PRELID2: variants seen among roughly 807,000 people sequenced by gnomAD.
PRELID2 encodes the protein PRELI domain containing 2.
In PRELID2, 25 loss-of-function variants were observed where a neutral mutation model predicts 28.4. That is an observed-to-expected ratio of 0.88 (90% CI 0.64 to 1.23). PRELID2 has a LOEUF of 1.23. PRELID2 is among the 50% of genes most tolerant of loss of function. The pLI, the probability that PRELID2 is intolerant of heterozygous loss-of-function variation, is 0.00. For missense variants in PRELID2, 201 were observed against 214.4 expected (o/e 0.94, Z 0.39); for synonymous variants, 76 against 71.6 (o/e 1.06, Z -0.31).
At chr5:145,383,361 T>C in the PRELID2 span, among the ~76,000 whole-genome samples, 1 of 148,292 alleles carries the variant, frequency 6.7e-6, no homozygotes, top group Non-Finnish European at 1.5e-5. Flanking sequence ...CACACGTCCA[T>C]ATATATATAT....
At chr5:145,291,967 C>G in the PRELID2 span, among the ~76,000 whole-genome samples, 1 of 152,100 alleles carries the variant, frequency 6.6e-6, no homozygotes, top group Non-Finnish European at 1.5e-5. Flanking sequence ...AATTTTAATA[C>G]TTGGTTATTT....
At chr5:145,718,997 A>G (rs967399945) in intron 1 of PRELID2, among the ~76,000 whole-genome samples, 2 of 152,050 alleles carry the variant, frequency 1.3e-5, no homozygotes, top group African/African-American at 4.8e-5. Flanking sequence ...GATGGCATCA[A>G]ATGTAAAGAG....
At chr5:145,665,642 G>A (rs950578142) in intron 1 of PRELID2, among the ~76,000 whole-genome samples, 5 of 152,020 alleles carry the variant, frequency 3.3e-5, no homozygotes, top group Admixed American at 2.6e-4. Context: ...TTGGGCTCTA[G>A]CCCATCTCTC....
chr5:145,513,354 A>G (rs1291318497), intron 1 of PRELID2, among the ~76,000 whole-genome samples: 1 of 151,894 alleles, frequency 6.6e-6, no homozygotes, highest in Non-Finnish European at 1.5e-5. Context: ...ACAAGTATCA[A>G]TAGCCGAACA....
At chr5:145,635,999 G>A (rs1753994987) in intron 1 of PRELID2, among the ~76,000 whole-genome samples, 2 of 152,338 alleles carry the variant, frequency 1.3e-5, no homozygotes, top group South Asian at 2.1e-4. Flanking sequence ...TCTTTGCAGG[G>A]AAAGTCAAGG....
At chr5:145,717,021 C>T (rs2149714391) in intron 1 of PRELID2, among the ~76,000 whole-genome samples, 1 of 152,036 alleles carries the variant, frequency 6.6e-6, no homozygotes, top group African/African-American at 2.4e-5. Context: ...AGTCTGTGTG[C>T]ACTATACTGC....
At chr5:145,561,797 T>C (rs1402477324) in intron 1 of PRELID2, among the ~76,000 whole-genome samples, 1 of 152,190 alleles carries the variant, frequency 6.6e-6, no homozygotes, top group Non-Finnish European at 1.5e-5. Flanking sequence ...GAATGCCTCT[T>C]ATGGCCCCAG....
chr5:145,410,066 C>T, the PRELID2 span, among the ~76,000 whole-genome samples: 2 of 152,164 alleles, frequency 1.3e-5, no homozygotes, highest in South Asian at 2.1e-4. Flanking sequence ...GGCAAAAAGA[C>T]ACCCTATTCA....
Position 145,653,003 on chromosome 5 carries a change from C to A in PRELID2, n.70+111928G>T, listed in dbSNP as rs576109564. On this transcript the variant is annotated intron_variant and non_coding_transcript_variant, in intron 1 of 2. Coordinates refer to the PRELID2 transcript ENST00000510259. The stretch of plus-strand genomic sequence containing the variant: ...CCATCAGTGTGCTGTATTCAGGAGA[C>A]CCATCTCACATGCAGAGACACACAT... Among the ~76,000 whole-genome samples the A allele has an allele frequency of 2.0e-3, 299 of 152,196 alleles. 2 individuals are homozygous for A. Among genetic ancestry groups the A allele is most frequent in the African/African-American group, 6.8e-3 (284 of 41,514 alleles).
chr5:145,697,036 TATATATATATATATATATATA>T lies in PRELID2; in HGVS notation n.70+67874_70+67894del, dbSNP rs1561547536. On this transcript the variant is annotated intron_variant and non_coding_transcript_variant, in intron 1 of 2. Transcript: ENST00000510259. ...GGATGTAGGAAAGAGAGGAAAATTA[TATATATATATATATATATATA>T]TATATATATATATATATATATATAC... 7.4e-3 allele frequency among the ~76,000 whole-genome samples: 82 copies of T among 11,146 alleles called. 1 individual carries two copies. The highest frequency in any genetic ancestry group is 0.016 in the African/African-American group (73 of 4,504). The allele number at this position is 11,146 out of a possible 152,430, so 7.3% of individuals were successfully genotyped here.
At chr5:145,817,220 A>AATAT (rs1188735131) in intron 4 of PRELID2, among the ~76,000 whole-genome samples, 11 of 66,486 alleles carry the variant, frequency 1.7e-4, no homozygotes, top group South Asian at 5.7e-4. Flanking sequence ...AATAAAAAAA[A>AATAT]ATATATATAT....
chr5:145,668,273 C>A (rs1364692725), intron 1 of PRELID2, among the ~76,000 whole-genome samples: 1 of 151,784 alleles, frequency 6.6e-6, no homozygotes, highest in African/African-American at 2.4e-5. Context: ...CAGTAACCAC[C>A]CAGCTGGTGT....
At chr5:145,313,057 C>A in the PRELID2 span, among the ~76,000 whole-genome samples, 14 of 152,066 alleles carry the variant, frequency 9.2e-5, no homozygotes, top group East Asian at 2.7e-3. Context: ...CCCCAAAAAA[C>A]CAAATAGCCA....
intron 1 of PRELID2, among the ~76,000 whole-genome samples, chr5:145,637,719 C>G (rs77942747): frequency 0.033 from 4,995 of 152,118 alleles, 170 homozygotes; most frequent in African/African-American, 0.08. Flanking sequence ...TCATTCCTAA[C>G]TGCCTCTTTG....
chr5:145,463,469 A>G, the PRELID2 span, among the ~76,000 whole-genome samples: 1 of 151,536 alleles, frequency 6.6e-6, no homozygotes, highest in Non-Finnish European at 1.5e-5. Context: ...ATAGAATTCT[A>G]TATCTTTTGC....
At chr5:145,619,200 G>C (rs1323919772) in intron 1 of PRELID2, among the ~76,000 whole-genome samples, 1 of 152,198 alleles carries the variant, frequency 6.6e-6, no homozygotes, top group Non-Finnish European at 1.5e-5. Context: ...CTGGCCAGGA[G>C]GTTTCTCCAC....
chr5:145,522,768 G>GGAGGAGGAGGAAGAGAAGGAAGAA (rs1252180569), intron 1 of PRELID2, among the ~76,000 whole-genome samples: 1 of 151,444 alleles, frequency 6.6e-6, no homozygotes, highest in Admixed American at 6.6e-5. Flanking sequence ...AGGAGGAGGA[G>GGAGGAGGAGGAAGAGAAGGAAGAA]GAGGAGGAGG....
chr5:145,248,878 A>C, the PRELID2 span, among the ~76,000 whole-genome samples: 2 of 152,150 alleles, frequency 1.3e-5, no homozygotes, highest in Non-Finnish European at 2.9e-5. Context: ...AACTCACTGA[A>C]GCAATAATCA....
chr5:145,745,416 T>C (rs556056751), intron 1 of PRELID2, among the ~76,000 whole-genome samples: 12 of 152,096 alleles, frequency 7.9e-5, no homozygotes, highest in African/African-American at 2.7e-4. Flanking sequence ...TATCAGATTC[T>C]CCAAGGTTGA....
Sources: allele counts gnomAD v4.1 joint callset (sites outside exome capture counted in the v4.1 genomes callset), GRCh38; gene constraint gnomAD v4.1.1; transcripts MANE v1.5; gene names NCBI Gene and HGNC (gene_info 2026-07-23, HGNC 2026-07-21).